The following CLBA1 variants were observed in gnomAD, a reference collection of about 807,000 sequenced individuals.
The protein encoded by CLBA1 is uncharacterized protein CLBA1.
Under a neutral mutation model 28.8 loss-of-function variants are expected in CLBA1, and 30 were observed. That is an observed-to-expected ratio of 1.04 (90% CI 0.78 to 1.41). The LOEUF (loss-of-function observed/expected upper bound fraction) is 1.41, where lower values mean the gene tolerates loss of function less well. Ranked by LOEUF, CLBA1 falls within the 40% of genes most tolerant of loss-of-function variation. CLBA1 has a pLI of 0.00. For synonymous variants in CLBA1, 160 were observed against 152.8 expected (o/e 1.05, Z -0.35); for missense variants, 451 against 412.3 (o/e 1.09, Z -0.81).
intron 2 of CLBA1, among the ~76,000 whole-genome samples, chr14:105,001,264 G>C (rs1194623047): frequency 6.6e-6 from 1 of 152,192 alleles, no homozygotes; most frequent in Non-Finnish European, 1.5e-5. Flanking sequence ...GGGAGGCCAA[G>C]GCAAGAGGAT....
downstream of CLBA1, among the ~76,000 whole-genome samples, chr14:105,000,291 T>TTTC (rs1491577170): frequency 5.6e-5 from 7 of 125,316 alleles, no homozygotes; most frequent in African/African-American, 2.7e-4. Flanking sequence ...TCTTTCTTTC[T>TTTC]TTTTTTTTTT....
At chr14:104,991,939 A>G (rs527838276) in intron 3 of CLBA1, among the ~76,000 whole-genome samples, 8 of 150,202 alleles carry the variant, frequency 5.3e-5, no homozygotes, top group Non-Finnish European at 8.9e-5. Context: ...CGCACATGCC[A>G]CCACGCACAC....
chr14:104,993,815 G>C, intron 4 of CLBA1: 1 of 985,450 alleles, frequency 1.0e-6, no homozygotes, highest in Non-Finnish European at 1.2e-6. Context: ...TGGGAGGGGC[G>C]CATGGGCGGC....
chr14:104,999,458 AC>A (rs1950500018), downstream of CLBA1: 1 of 156,574 alleles, frequency 6.4e-6, no homozygotes, highest in Non-Finnish European at 1.4e-5. Flanking sequence ...ATGCCCAAGG[AC>A]CCAGCTGCTG....
chr14:104,994,337 A>AC (rs1900115362), intron 4 of CLBA1: 1 of 985,090 alleles, frequency 1.0e-6, no homozygotes, highest in South Asian at 4.7e-5. Flanking sequence ...AGGGCCAGAG[A>AC]CCCCGCCTAA....
At chr14:104,991,354 C>A in intron 2 of CLBA1, 137 bp from the exon 3 acceptor site, 1 of 984,618 alleles carries the variant, frequency 1.0e-6, no homozygotes, top group Non-Finnish European at 1.5e-6. Flanking sequence ...TTCTTAACAG[C>A]CATACGCCTC....
chr14:104,992,044 ACGC>A (rs1900043483), intron 3 of CLBA1, among the ~76,000 whole-genome samples: 1 of 143,258 alleles, frequency 7.0e-6, no homozygotes, highest in East Asian at 2.1e-4. Context: ...CGCCACGCAC[ACGC>A]CACCACGCAC....
Position 104,986,848 on chromosome 14 carries a change from TTC to T in CLBA1, c.419_420del (p.Ser140Ter), listed in dbSNP as rs1354312835. 6.2e-7 allele frequency: 1 copy of T among 1,612,850 alleles called. No homozygotes were observed. On this transcript the variant is annotated frameshift_variant, in exon 1 of 5. Coordinates refer to ENST00000547315, the MANE Select transcript of CLBA1 (RefSeq NM_174891.4). LOFTEE classifies it high-confidence loss of function. Reference protein sequence around the residue: ...WVTGTSAVPPSEPILSYENIL... With the variant: ...WVTGTSAVPPXEPILSYENIL... ...TGACAGGAACTTCTGCCGTCCCACC[TTC>T]TGAGGTATTTCTGCTGTGCTGTGGT... is the stretch of plus-strand genomic sequence containing the variant.
Position 104,986,659 on chromosome 14 carries a change from C to T in CLBA1, c.228C>T (p.Ser76=), listed in dbSNP as rs760410830. 39 of 1,614,018 alleles carry T rather than the reference C, an allele frequency of 2.4e-5. No homozygotes were observed. Among genetic ancestry groups the T allele is most frequent in the Non-Finnish European group, 3.2e-5 (38 of 1,180,018 alleles). ...GTCCTGACCCTGGGGAACACAGCAGCACTTGGGGGGAGTTTGAAGGCTTTC... is the reference window on the plus strand; with the variant it reads ...GTCCTGACCCTGGGGAACACAGCAGTACTTGGGGGGAGTTTGAAGGCTTTC... ...ARCPDPGEHS[S]TWGEFEGFRE... is the part of the protein sequence containing the mutation. The change falls in exon 1 of 5, where the codon AGC becomes AGT. Residue 76 remains serine (S), a synonymous_variant. Transcript: ENST00000547315.
intron 1 of CLBA1, among the ~76,000 whole-genome samples, chr14:104,987,289 G>A (rs1899890807): frequency 6.6e-6 from 1 of 152,256 alleles, no homozygotes; most frequent in Non-Finnish European, 1.5e-5. Context: ...TGAATTGGGT[G>A]ACGCGGGATC....
downstream of CLBA1, among the ~76,000 whole-genome samples, chr14:104,996,083 T>C (rs1029779240): frequency 6.6e-6 from 1 of 152,104 alleles, no homozygotes; most frequent in Non-Finnish European, 1.5e-5. Context: ...CATGGCATCA[T>C]GGTGTCACCC....
downstream of CLBA1, chr14:104,995,588 CT>C (rs1900142648): frequency 7.2e-6 from 6 of 837,890 alleles, no homozygotes; most frequent in East Asian, 7.4e-4. Context: ...GGCCTGAAGT[CT>C]TAAGCAAGCA....
downstream of CLBA1, chr14:104,995,609 G>A (rs1900143054): frequency 1.8e-5 from 12 of 658,440 alleles, no homozygotes; most frequent in Non-Finnish European, 2.3e-5. Context: ...AGCCACCCTG[G>A]CTGTCTCTTT....
At chr14:104,998,509 G>A (rs1291452042), downstream of CLBA1, among the ~76,000 whole-genome samples, 1 of 152,228 alleles carries the variant, frequency 6.6e-6, no homozygotes, top group Non-Finnish European at 1.5e-5. Context: ...GTCTTACGAT[G>A]TTGCCGTGCT....
At position 104,987,606 on chromosome 14, in the gene CLBA1, CTTTTTTTTTTTTTTTTTT is replaced by C. The variant is rs869117577; in HGVS notation, c.423+766_423+783del. Among the ~76,000 whole-genome samples the C allele has an allele frequency of 3.7e-4, 22 of 60,012 alleles. 1 individual carries two copies. In the Admixed American group the frequency reaches 4.6e-3, roughly 12 times the overall value. 39.4% of individuals were successfully genotyped at this position (60,012 alleles called of 152,430 possible). ...GGCTGGCCTGTTTTCTCTTCCTTTT[CTTTTTTTTTTTTTTTTTT>C]TTTTTTTTTTTTTGAGACAGCCTCA... is the stretch of plus-strand genomic sequence containing the variant. On this transcript the variant is annotated intron_variant, in intron 1 of 4. Coordinates refer to ENST00000547315, the MANE Select transcript of CLBA1 (RefSeq NM_174891.4).
chr14:104,987,789 TTATATATA>T (rs5811162), intron 1 of CLBA1, among the ~76,000 whole-genome samples: 1 of 144,882 alleles, frequency 6.9e-6, no homozygotes, highest in African/African-American at 2.6e-5. Flanking sequence ...GGCTAACTTT[TTATATATA>T]TATATATATA....
At chr14:105,000,143 G>GA (rs1257684386), downstream of CLBA1, among the ~76,000 whole-genome samples, 1 of 152,054 alleles carries the variant, frequency 6.6e-6, no homozygotes, top group Non-Finnish European at 1.5e-5. Context: ...GGAAATCGGA[G>GA]AAAATATTTG....
In CLBA1 at chr14:104,985,992, C is replaced by G. The variant is rs1356017421; in HGVS notation, c.-440C>G. 4.5e-6 allele frequency: 1 copy of G among 222,042 alleles called. No individual in the cohort carries two copies. The highest frequency in any genetic ancestry group is 2.4e-5 in the African/African-American group (1 of 41,508). 13.8% of individuals were successfully genotyped at this position (222,042 alleles called of 1,614,324 possible). The stretch of plus-strand genomic sequence containing the variant: ...CTGCGGGCCGCGTGCGAGAGGGACT[C>G]TCGGGAGGCCCCGGGGCGCCGCACC... On this transcript the variant is annotated 5_prime_UTR_variant, in exon 1 of 5. Transcript: ENST00000547315.
intron 3 of CLBA1, among the ~76,000 whole-genome samples, chr14:104,991,935 TGCCACCACGCACAC>T (rs1326041676): frequency 1.4e-5 from 2 of 146,110 alleles, no homozygotes; most frequent in African/African-American, 2.5e-5. Flanking sequence ...GCCACGCACA[TGCCACCACGCACAC>T]GCCGCCACGC....
Sources: allele counts gnomAD v4.1 joint callset (sites outside exome capture counted in the v4.1 genomes callset), GRCh38; gene constraint gnomAD v4.1.1; transcripts MANE v1.5; gene names NCBI Gene and HGNC (gene_info 2026-07-23, HGNC 2026-07-21).